CEP170B: variants seen among roughly 807,000 people sequenced by gnomAD.
CEP170B encodes centrosomal protein 170B.
In CEP170B, 55 loss-of-function variants were observed where a neutral mutation model predicts 120.6. The ratio of observed to expected loss-of-function variants is 0.46; its 90% confidence interval spans 0.37 to 0.57. CEP170B has a LOEUF of 0.57. CEP170B is among the 20% of genes least tolerant of loss of function. The probability of loss-of-function intolerance (pLI) is 0.00; values close to 1 mark genes in which losing one functional copy is unlikely to be tolerated. For missense variants in CEP170B, 2,212 were observed against 2,253.3 expected (o/e 0.98, Z 0.37); for synonymous variants, 1,033 against 954.5 (o/e 1.08, Z -1.52).
At chr14:104,878,349 T>C (rs1895970451) in intron 4 of CEP170B, 94 bp from the exon 5 acceptor site, 2 of 1,296,572 alleles carry the variant, frequency 1.5e-6, no homozygotes, top group African/African-American at 1.4e-5. Flanking sequence ...CCTGCCTCGA[T>C]GGGCCCTTGA....
chr14:104,887,398 C>T lies in CEP170B; in HGVS notation c.3159C>T (p.Ala1053=), dbSNP rs370320231. 454 of 1,612,166 alleles carry T rather than the reference C, an allele frequency of 2.8e-4. 3 individuals carry two copies. The African/African-American group carries it at 4.7e-3, about 17-fold the overall frequency. ...WPSEERGPVL[A]HLPSSDVMAS... is the part of the protein sequence containing the mutation. Reference sequence around the variant, plus strand: ...GTGAGGAGCGTGGCCCTGTCCTCGCCCACCTACCCAGCTCAGATGTGATGG... The same window carrying T: ...GTGAGGAGCGTGGCCCTGTCCTCGCTCACCTACCCAGCTCAGATGTGATGG... Residue 1053 remains alanine (A), a synonymous_variant, in exon 12 of 19, where the codon GCC becomes GCT. Transcript: ENST00000414716.
intron 5 of CEP170B, among the ~76,000 whole-genome samples, chr14:104,879,444 G>A (rs76041493): frequency 0.013 from 2,019 of 152,212 alleles, 31 homozygotes; most frequent in African/African-American, 0.029. Context: ...TTAGGGTGAG[G>A]GGATCTGAGG....
chr14:104,872,805 G>C (rs2140640274), intron 2 of CEP170B, among the ~76,000 whole-genome samples: 1 of 152,350 alleles, frequency 6.6e-6, no homozygotes, highest in South Asian at 2.1e-4. Flanking sequence ...CAGCACAGCT[G>C]GGCCAGGCTG....
chr14:104,880,009 C>T (rs1896061424), intron 5 of CEP170B, among the ~76,000 whole-genome samples: 1 of 152,098 alleles, frequency 6.6e-6, no homozygotes, highest in Non-Finnish European at 1.5e-5. Flanking sequence ...CATCCCAGGG[C>T]CCCCACTCTG....
intron 2 of CEP170B, among the ~76,000 whole-genome samples, chr14:104,871,466 C>T (rs28427389): frequency 0.56 from 84,684 of 151,110 alleles, 24,348 homozygotes; most frequent in Middle Eastern, 0.71. Context: ...TCTCCGGACC[C>T]GGCTCACACC....
In CEP170B at chr14:104,895,099, C is replaced by T. The variant is rs551979196; in HGVS notation, c.*141C>T. On this transcript the variant is annotated 3_prime_UTR_variant, in exon 19 of 19. Coordinates refer to ENST00000414716, the MANE Select transcript of CEP170B (RefSeq NM_001112726.3). Reference sequence around the variant, plus strand: ...TATCCCTGTGGGCGGGTGCCTCCCACGCCCTTGCCCCCTCGTCAGCTCCCA... The same window carrying T: ...TATCCCTGTGGGCGGGTGCCTCCCATGCCCTTGCCCCCTCGTCAGCTCCCA... 2.0e-5 allele frequency: 19 copies of T among 960,286 alleles called. No homozygotes were observed. Among genetic ancestry groups the T allele is most frequent in the African/African-American group, 1.7e-4 (10 of 60,148 alleles). 59.5% of individuals were successfully genotyped at this position (960,286 alleles called of 1,614,324 possible). A position where few individuals can be genotyped will look rare whatever the true frequency, so the allele number is the denominator to read the frequency against.
rs1595359355 is a variant in CEP170B at position 104,891,056 on chromosome 14, T to G, written c.3878+1298T>G. Among the ~76,000 whole-genome samples, 2 of 123,194 alleles carry G rather than the reference T, an allele frequency of 1.6e-5. No homozygotes were observed. The highest frequency in any genetic ancestry group is 2.8e-4 in the South Asian group (1 of 3,562). The allele number at this position is 123,194 out of a possible 152,430, so 80.8% of individuals were successfully genotyped here. A position where few individuals can be genotyped will look rare whatever the true frequency, so the allele number is the denominator to read the frequency against. ...ATGGATGGATGGATGGATGAGTGGG[T>G]GGGTGGATGGATGGATGGATGGATG... On this transcript the variant is annotated intron_variant, in intron 13 of 18. Coordinates refer to ENST00000414716, the MANE Select transcript of CEP170B (RefSeq NM_001112726.3). This position sits in a 1 kb window ranked among gnomAD's most constrained non-coding sequence, Gnocchi z 4.3.
intron 2 of CEP170B, among the ~76,000 whole-genome samples, chr14:104,872,428 C>G (rs61995991): frequency 3.4e-5 from 1 of 29,184 alleles, no homozygotes; most frequent in Non-Finnish European, 9.5e-5. Context: ...GTGTGCCGTG[C>G]GTGTGTGCGT....
intron 13 of CEP170B, among the ~76,000 whole-genome samples, chr14:104,889,967 TAGGA>T (rs1896719084): frequency 1.5e-4 from 3 of 20,592 alleles, no homozygotes; most frequent in East Asian, 6.2e-4. Flanking sequence ...GATGGATGGA[TAGGA>T]GGGTGGGTGG....
chr14:104,889,212 C>T (rs2289453), intron 12 of CEP170B, among the ~76,000 whole-genome samples: 94,597 of 152,000 alleles, frequency 0.62, 32,286 homozygotes, highest in Middle Eastern at 0.85. Flanking sequence ...GCACTGCTTT[C>T]CCACCACCTG....
chr14:104,876,384 C>T lies in CEP170B; in HGVS notation c.195+39C>T, dbSNP rs1477862201. ...GCCCTGGCCTGGCCTTTTAACAGCT[C>T]GACCCTTCAGCCCTGGCCCCTCCCT... On this transcript the variant is annotated intron_variant, in intron 3 of 18. Coordinates refer to ENST00000414716, the MANE Select transcript of CEP170B (RefSeq NM_001112726.3). 1.0e-5 allele frequency: 16 copies of T among 1,537,604 alleles called. No homozygotes were observed. In the East Asian group the frequency reaches 1.7e-4, roughly 16 times the overall value.
At chr14:104,893,700 T>TG (rs1896958538) in intron 15 of CEP170B, 34 bp downstream of exon 15, 1 of 1,584,944 alleles carries the variant, frequency 6.3e-7, no homozygotes, top group Non-Finnish European at 8.6e-7. Flanking sequence ...GAGCTGGGTG[T>TG]GGGGGGAGCA....
At chr14:104,893,899 C>T (rs773184657) in intron 16 of CEP170B, 50 bp downstream of exon 16, 1 of 1,525,192 alleles carries the variant, frequency 6.6e-7, no homozygotes. Context: ...AGCACAGCTG[C>T]ATGAGCTGAG....
At position 104,875,529 on chromosome 14, in the gene CEP170B, G is replaced by A. The variant is rs191467588; in HGVS notation, c.106-727G>A. Among the ~76,000 whole-genome samples, 319 of 152,232 alleles carry A rather than the reference G, an allele frequency of 2.1e-3. 1 individual carries two copies. The highest frequency in any genetic ancestry group is 7.6e-3 in the African/African-American group (314 of 41,544). On this transcript the variant is annotated intron_variant, in intron 2 of 18. Coordinates refer to ENST00000414716, the MANE Select transcript of CEP170B (RefSeq NM_001112726.3). Reference sequence around the variant, plus strand: ...AGTGGAGGCCGGGTGGGCAGCAGCCGTGCTTGCAGCGCTGTGTGGAGTTGG... The same window carrying A: ...AGTGGAGGCCGGGTGGGCAGCAGCCATGCTTGCAGCGCTGTGTGGAGTTGG...
chr14:104,885,612 G>C, intron 10 of CEP170B, 70 bp downstream of exon 10: 1 of 1,494,462 alleles, frequency 6.7e-7, no homozygotes, highest in South Asian at 1.3e-5. Context: ...CCGGACCTGG[G>C]GTCAGCGGGC....
In CEP170B at chr14:104,887,076, C is replaced by T. The variant is rs374662157; in HGVS notation, c.2837C>T (p.Pro946Leu). Residue 946 changes from proline (P) to leucine (L), a missense_variant, in exon 12 of 19, where the codon CCG becomes CTG. By Grantham distance (98) the Pro-to-Leu change is moderately conservative. Transcript: ENST00000414716. The part of the protein sequence containing the change: ...ECEGGSTPRP[P>L]EDALSGDSDV... ...GAGGGGGGCAGCACCCCGAGGCCGC[C>T]GGAGGACGCCCTGTCTGGGGACTCG... 5.5e-5 allele frequency: 89 copies of T among 1,611,348 alleles called. No homozygotes were observed. The highest frequency in any genetic ancestry group is 3.3e-4 in the Middle Eastern group (2 of 6,084).
In CEP170B at chr14:104,886,391, A is replaced by C. The variant is rs1896508198; in HGVS notation, c.2152A>C (p.Ser718Arg). The C allele has an allele frequency of 6.3e-7, 1 of 1,582,816 alleles. No homozygotes were observed. Among genetic ancestry groups the C allele is most frequent in the South Asian group, 1.2e-5 (1 of 86,814 alleles). The change falls in exon 12 of 19, where the codon AGC (serine) becomes CGC (arginine). Residue 718 changes from serine (S) to arginine (R), a missense_variant. Physicochemically the swap from Ser to Arg is moderately radical, Grantham distance 110. Coordinates refer to ENST00000414716, the MANE Select transcript of CEP170B (RefSeq NM_001112726.3). ...RADSPAGPES[S>R]RRSGPGPPEL... ...TGACAGCCCTGCGGGCCCAGAGAGCAGCAGGAGGAGTGGGCCTGGGCCACC... is the reference window on the plus strand; with the variant it reads ...TGACAGCCCTGCGGGCCCAGAGAGCCGCAGGAGGAGTGGGCCTGGGCCACC...
At chr14:104,872,230 CG>C (rs1566851989) in intron 2 of CEP170B, among the ~76,000 whole-genome samples, 1 of 100,926 alleles carries the variant, frequency 9.9e-6, no homozygotes, top group Non-Finnish European at 1.9e-5. Context: ...ATGGGTGTGC[CG>C]TGCGTGTGTG....
upstream of CEP170B, among the ~76,000 whole-genome samples, chr14:104,864,552 T>C (rs776654408): frequency 9.9e-4 from 150 of 152,274 alleles, no homozygotes; most frequent in Non-Finnish European, 1.4e-3. This position sits in a 1 kb window ranked among gnomAD's most constrained non-coding sequence, Gnocchi z 5.9. Context: ...CCGCGGGAAC[T>C]TACCCAGGAA....
Sources: gnomAD v4.1 joint callset for allele counts (sites outside exome capture counted in the v4.1 genomes callset) on GRCh38, gnomAD v4.1.1 for gene constraint, Gnocchi (gnomAD v3.1) non-coding constraint, MANE v1.5 for transcripts, NCBI Gene and HGNC (gene_info 2026-07-23, HGNC 2026-07-21) for gene names.